The following PEPD variants were observed in gnomAD, a reference collection of about 807,000 sequenced individuals.
The protein encoded by PEPD is xaa-Pro dipeptidase.
In PEPD, 53 loss-of-function variants were observed where a neutral mutation model predicts 60.7. That is an observed-to-expected ratio of 0.87 (90% CI 0.70 to 1.10). The LOEUF (loss-of-function observed/expected upper bound fraction) is 1.10. Among genes scored for constraint, PEPD ranks in the 50% least tolerant of loss-of-function variants. The probability of loss-of-function intolerance (pLI) is 0.00; values close to 1 mark genes in which losing one functional copy is unlikely to be tolerated. For missense variants in PEPD, 711 were observed against 711.9 expected, an observed-to-expected ratio of 1.00 and a Z score of 0.01; for synonymous variants, 267 against 284.1, an observed-to-expected ratio of 0.94 and a Z score of 0.60.
At chr19:33,508,237 C>G (rs1221527381) in intron 3 of PEPD, among the ~76,000 whole-genome samples, 2 of 152,142 alleles carry the variant, frequency 1.3e-5, no homozygotes, top group Admixed American at 1.3e-4. Context: ...AGAGGGCAGC[C>G]AGGTCAAAAC....
At chr19:33,517,825 G>C (rs1370091633) in intron 1 of PEPD, among the ~76,000 whole-genome samples, 6 of 151,462 alleles carry the variant, frequency 4.0e-5, no homozygotes, top group Admixed American at 3.9e-4. Context: ...AAATTAGCCA[G>C]GCATGGTAGT....
chr19:33,516,297 C>T (rs1158374464), intron 1 of PEPD, among the ~76,000 whole-genome samples: 1 of 152,144 alleles, frequency 6.6e-6, no homozygotes, highest in East Asian at 1.9e-4. Context: ...GTTTCTGCTG[C>T]AGCTTTTGTT....
At chr19:33,494,382 G>A (rs912752148) in intron 4 of PEPD, among the ~76,000 whole-genome samples, 2 of 152,200 alleles carry the variant, frequency 1.3e-5, no homozygotes, top group Non-Finnish European at 2.9e-5. Context: ...TAGACATTTT[G>A]ATAAGTTTTG....
chr19:33,471,522 G>T (rs1331542671), intron 7 of PEPD, among the ~76,000 whole-genome samples: 2 of 152,154 alleles, frequency 1.3e-5, no homozygotes, highest in Non-Finnish European at 2.9e-5. Context: ...AGCCTCCGTG[G>T]GTCCACCGGC....
rs1163316114 is a variant in PEPD, at chr19:33,411,689, G to C, written c.801C>G (p.Ile267Met). Reference protein sequence around the residue: ...GHAGAPNDRTIQNGDMCLFDM... With the variant: ...GHAGAPNDRTMQNGDMCLFDM... Reference sequence around the variant, plus strand: ...CTACTTACCACATATCCCCATTCTGGATCGTTCGGTCGTTGGGAGCTCCGG... The same window carrying C: ...CTACTTACCACATATCCCCATTCTGCATCGTTCGGTCGTTGGGAGCTCCGG... Residue 267 changes from isoleucine to methionine, a missense_variant, in exon 11 of 15, where the codon ATC (isoleucine) becomes ATG (methionine). Physicochemically the swap from Ile to Met is conservative, Grantham distance 10. Transcript: ENST00000244137. 1.2e-6 allele frequency: 2 copies of C among 1,606,502 alleles called. No homozygotes were observed. The highest frequency in any genetic ancestry group is 1.7e-6 in the Non-Finnish European group (2 of 1,173,546).
At chr19:33,439,981 G>A (rs79392794) in intron 9 of PEPD, among the ~76,000 whole-genome samples, 1,689 of 152,264 alleles carry the variant, frequency 0.011, 25 homozygotes, top group South Asian at 0.07. Flanking sequence ...GACTACCAAA[G>A]TACTGGGATT....
intron 9 of PEPD, among the ~76,000 whole-genome samples, chr19:33,425,124 C>T (rs1362635997): frequency 2.6e-5 from 4 of 152,150 alleles, no homozygotes; most frequent in Non-Finnish European, 5.9e-5. Flanking sequence ...AATCCCAGCA[C>T]TTTGGGAGGC....
intron 12 of PEPD, among the ~76,000 whole-genome samples, chr19:33,397,261 G>T (rs529627898): frequency 6.6e-5 from 10 of 152,290 alleles, no homozygotes; most frequent in African/African-American, 2.4e-4. Context: ...ACCCCCCAGG[G>T]TCCTGACCAT....
intron 9 of PEPD, among the ~76,000 whole-genome samples, chr19:33,417,979 A>C (rs1968926290): frequency 6.6e-6 from 1 of 152,206 alleles, no homozygotes; most frequent in Admixed American, 6.5e-5. Context: ...CTACCGGGAC[A>C]CGTGCGCACA....
At chr19:33,434,832 C>T (rs557297009) in intron 9 of PEPD, among the ~76,000 whole-genome samples, 73 of 150,908 alleles carry the variant, frequency 4.8e-4, no homozygotes, top group Non-Finnish European at 9.3e-4. Flanking sequence ...ATCACACATA[C>T]GGTCCAGCCC....
At position 33,511,206 on chromosome 19, in the gene PEPD, G is replaced by A. The variant is rs759730500; in HGVS notation, c.202-51C>T. 5 of 1,607,552 alleles carry A rather than the reference G, an allele frequency of 3.1e-6. No homozygotes were observed. In the African/African-American group the frequency reaches 4.0e-5, roughly 13 times the overall value. On this transcript the variant is annotated intron_variant, in intron 2 of 14. Coordinates refer to ENST00000244137, the MANE Select transcript of PEPD (RefSeq NM_000285.4). ...TAGCCAGTGGAACATGAGGTGCAAG[G>A]AGGGACCGGTGGCTGCATCACAGCA...
At chr19:33,511,281 C>T in intron 2 of PEPD, 126 bp from the exon 3 acceptor site, 1 of 924,042 alleles carries the variant, frequency 1.1e-6, no homozygotes, top group South Asian at 1.4e-5. Flanking sequence ...GACCCCAGCC[C>T]CAGACATCCC....
chr19:33,400,175 G>C (rs1968456544), intron 12 of PEPD, among the ~76,000 whole-genome samples: 1 of 152,190 alleles, frequency 6.6e-6, no homozygotes, highest in Non-Finnish European at 1.5e-5. Context: ...AGAGGCAGTG[G>C]GCGAGGGTGG....
At chr19:33,405,029 GCTGT>G (rs1371995310) in intron 11 of PEPD, among the ~76,000 whole-genome samples, 2 of 152,192 alleles carry the variant, frequency 1.3e-5, no homozygotes, top group Non-Finnish European at 2.9e-5. Flanking sequence ...CTCCTTCCTG[GCTGT>G]CTGGGGACCC....
intron 9 of PEPD, among the ~76,000 whole-genome samples, chr19:33,437,059 C>T (rs1051986770): frequency 6.6e-6 from 1 of 152,110 alleles, no homozygotes; most frequent in East Asian, 1.9e-4. Flanking sequence ...GGCAGAGCAG[C>T]CAGTGCTCCA....
intron 2 of PEPD, 39 bp from the exon 3 acceptor site, chr19:33,511,194 A>G (rs1029333452): frequency 1.1e-5 from 17 of 1,612,420 alleles, no homozygotes; most frequent in Non-Finnish European, 1.3e-5. Flanking sequence ...CCAGTGGAAC[A>G]TGAGGTGCAA....
intron 11 of PEPD, 103 bp from the exon 12 acceptor site, chr19:33,401,972 T>G (rs559623330): frequency 5.8e-4 from 642 of 1,097,952 alleles, no homozygotes; most frequent in Non-Finnish European, 8.0e-4. Context: ...CTGGCCCGGG[T>G]CCTGGATGCA....
intron 9 of PEPD, among the ~76,000 whole-genome samples, chr19:33,426,187 C>CTGGGCAACAGTGGGAG (rs1969144092): frequency 6.6e-6 from 1 of 152,068 alleles, no homozygotes; most frequent in Non-Finnish European, 1.5e-5. Context: ...GCACTCCAGC[C>CTGGGCAACAGTGGGAG]TGGGCAACAG....
At chr19:33,471,146 G>A (rs905787049) in intron 7 of PEPD, among the ~76,000 whole-genome samples, 1 of 152,186 alleles carries the variant, frequency 6.6e-6, no homozygotes, top group Non-Finnish European at 1.5e-5. Context: ...AACTGAACCA[G>A]GGCAAATTAT....
Sources: allele counts gnomAD v4.1 joint callset (sites outside exome capture counted in the v4.1 genomes callset), GRCh38; gene constraint gnomAD v4.1.1; transcripts MANE v1.5; gene names NCBI Gene and HGNC (gene_info 2026-07-23, HGNC 2026-07-21).